SLC25A26: variants seen among roughly 807,000 people sequenced by gnomAD.
SLC25A26 encodes solute carrier family 25 member 26.
SLC25A26 carries 36 observed loss-of-function variants against 37.8 expected under a neutral mutation model. The observed-to-expected ratio is 0.95, with a 90% CI of 0.73 to 1.26. The LOEUF (loss-of-function observed/expected upper bound fraction) is 1.26. SLC25A26 is among the 50% of genes most tolerant of loss of function. The probability of loss-of-function intolerance (pLI) is 0.00; values close to 1 mark genes in which losing one functional copy is unlikely to be tolerated. For synonymous variants in SLC25A26, 129 were observed against 122.5 expected (o/e 1.05, Z -0.35); for missense variants, 390 against 331.1 (o/e 1.18, Z -1.38).
At chr3:66,157,176 G>A (rs2070295359) in intron 1 of SLC25A26, among the ~76,000 whole-genome samples, 1 of 152,196 alleles carries the variant, frequency 6.6e-6, no homozygotes, top group Non-Finnish European at 1.5e-5. Context: ...CGAGGCTTCA[G>A]TGAGCCATGA....
At chr3:66,209,892 C>CATATA (rs2071254603) in intron 1 of SLC25A26, among the ~76,000 whole-genome samples, 7 of 24,696 alleles carry the variant, frequency 2.8e-4, no homozygotes, top group African/African-American at 8.0e-4. Context: ...CTCTCTCTCT[C>CATATA]TCTATTTATA....
chr3:66,264,498 CTG>C (rs1384492125), intron 5 of SLC25A26, among the ~76,000 whole-genome samples: 2 of 152,176 alleles, frequency 1.3e-5, no homozygotes, highest in African/African-American at 2.4e-5. Flanking sequence ...GCATTACCAC[CTG>C]AGCTCTGCCT....
At chr3:66,346,727 T>C (rs959412449) in intron 6 of SLC25A26, among the ~76,000 whole-genome samples, 2 of 131,596 alleles carry the variant, frequency 1.5e-5, no homozygotes, top group African/African-American at 8.4e-5. Context: ...TGTGTGTGTG[T>C]GTGTGTGTGT....
Position 66,377,676 on chromosome 3 carries a change from G to GT in SLC25A26, c.708-8dup, listed in dbSNP as rs753485534. 1.2e-6 allele frequency: 2 copies of GT among 1,602,960 alleles called. No individual in the cohort carries two copies. Among genetic ancestry groups the GT allele is most frequent in the South Asian group, 1.1e-5 (1 of 90,816 alleles). ...AAATACGCACAACATTAAAAATCCT[G>GT]TTTTTTCCCCTAGATTATTTGCAGG... On this transcript the variant is annotated splice_polypyrimidine_tract_variant and intron_variant, in intron 9 of 9. Transcript: ENST00000354883.
At chr3:66,348,025 G>T (rs2076366400) in intron 6 of SLC25A26, among the ~76,000 whole-genome samples, 1 of 152,074 alleles carries the variant, frequency 6.6e-6, no homozygotes, top group South Asian at 2.1e-4. Context: ...ACACATGCTG[G>T]GCTTAATACT....
intron 1 of SLC25A26, among the ~76,000 whole-genome samples, chr3:66,196,182 A>G (rs1343548437): frequency 6.6e-6 from 1 of 152,172 alleles, no homozygotes; most frequent in African/African-American, 2.4e-5. Context: ...AACCCAGGGG[A>G]CAGAAAGTTT....
chr3:66,244,488 T>C (rs2072732705), intron 3 of SLC25A26, among the ~76,000 whole-genome samples: 2 of 152,214 alleles, frequency 1.3e-5, no homozygotes, highest in African/African-American at 4.8e-5. Flanking sequence ...TGTAAAACTT[T>C]GCACCCAACA....
chr3:66,194,306 G>A (rs1378981243), intron 1 of SLC25A26, among the ~76,000 whole-genome samples: 1 of 152,288 alleles, frequency 6.6e-6, no homozygotes. Flanking sequence ...TCCATGCTGG[G>A]TTGGGGGTTG....
chr3:66,270,164 A>G (rs1211916449), intron 5 of SLC25A26, among the ~76,000 whole-genome samples: 2 of 152,194 alleles, frequency 1.3e-5, no homozygotes, highest in Non-Finnish European at 2.9e-5. Flanking sequence ...TGAAATACCA[A>G]AGCGTATATA....
At chr3:66,188,666 A>G (rs2070877173) in intron 1 of SLC25A26, among the ~76,000 whole-genome samples, 3 of 152,098 alleles carry the variant, frequency 2.0e-5, no homozygotes, top group Admixed American at 6.6e-5. Flanking sequence ...ACTGTGAGCC[A>G]ATTAAACCCC....
chr3:66,221,190 GC>G, intron 1 of SLC25A26, 63 bp downstream of exon 1: 4 of 1,478,396 alleles, frequency 2.7e-6, no homozygotes, highest in Non-Finnish European at 2.7e-6. Context: ...GAGCCCGCGG[GC>G]GTTCTCTGCA....
chr3:66,336,308 A>C (rs2076091767), intron 5 of SLC25A26, among the ~76,000 whole-genome samples: 1 of 152,162 alleles, frequency 6.6e-6, no homozygotes, highest in South Asian at 2.1e-4. Flanking sequence ...CGCATTGGTC[A>C]TTCATTTTTC....
At chr3:66,144,905 A>G (rs1356736170) in intron 1 of SLC25A26, among the ~76,000 whole-genome samples, 1 of 152,232 alleles carries the variant, frequency 6.6e-6, no homozygotes, top group Non-Finnish European at 1.5e-5. Flanking sequence ...TAGGTGAAAG[A>G]GTCAGATGTC....
intron 5 of SLC25A26, among the ~76,000 whole-genome samples, chr3:66,267,252 G>T (rs1161279396): frequency 6.6e-6 from 1 of 152,236 alleles, no homozygotes; most frequent in African/African-American, 2.4e-5. Context: ...GCAGTTAGAA[G>T]TAGTTAAGGT....
chr3:66,334,115 A>G (rs1393402315), intron 5 of SLC25A26, among the ~76,000 whole-genome samples: 3 of 152,328 alleles, frequency 2.0e-5, no homozygotes, highest in African/African-American at 4.8e-5. Flanking sequence ...CATGGAAACT[A>G]GAAGACCTAT....
At chr3:66,285,230 T>C (rs1053166004) in intron 5 of SLC25A26, among the ~76,000 whole-genome samples, 6 of 152,138 alleles carry the variant, frequency 3.9e-5, no homozygotes, top group Admixed American at 1.3e-4. Context: ...AAAAATACTT[T>C]CAAAGAAAGA....
chr3:66,275,489 A>G (rs2074110701), intron 5 of SLC25A26, among the ~76,000 whole-genome samples: 1 of 151,994 alleles, frequency 6.6e-6, no homozygotes, highest in African/African-American at 2.4e-5. Flanking sequence ...TTTGTTCCCT[A>G]CTATTAATCT....
At position 66,359,655 on chromosome 3, in the gene SLC25A26, C is replaced by A. The variant is rs184405883; in HGVS notation, c.499-3205C>A. ...TGGCATTAGCCTGATAAAATACACC[C>A]TTTGCCACCTTAAAAGTAAAGAAAA... On this transcript the variant is annotated intron_variant, in intron 6 of 9. Transcript: ENST00000354883. Among the ~76,000 whole-genome samples, 203 of 152,296 alleles carry A rather than the reference C, an allele frequency of 1.3e-3. 1 individual carries two copies. Among genetic ancestry groups the A allele is most frequent in the Middle Eastern group, 6.8e-3 (2 of 294 alleles).
At chr3:66,365,505 C>A (rs1468707440) in intron 7 of SLC25A26, among the ~76,000 whole-genome samples, 2 of 152,050 alleles carry the variant, frequency 1.3e-5, no homozygotes, top group South Asian at 4.1e-4. Context: ...CATAATGCAG[C>A]CTAAGTAATT....
Sources: gnomAD v4.1 joint callset for allele counts (sites outside exome capture counted in the v4.1 genomes callset) on GRCh38, gnomAD v4.1.1 for gene constraint, MANE v1.5 for transcripts, NCBI Gene and HGNC (gene_info 2026-07-23, HGNC 2026-07-21) for gene names.